The following ZNF124 variants were observed in gnomAD, a reference collection of about 807,000 sequenced individuals.
The protein encoded by ZNF124 is zinc finger protein HZF-16.
ZNF124 carries 25 observed loss-of-function variants against 26.6 expected under a neutral mutation model. The observed-to-expected ratio is 0.94, with a 90% CI of 0.68 to 1.31. The LOEUF (loss-of-function observed/expected upper bound fraction) is 1.31, where lower values mean the gene tolerates loss of function less well. Ranked by LOEUF, ZNF124 falls within the 40% of genes most tolerant of loss-of-function variation. ZNF124 has a pLI of 0.00. For missense variants in ZNF124, 444 were observed against 422.2 expected (o/e 1.05, Z -0.45); for synonymous variants, 129 against 133.3 (o/e 0.97, Z 0.22).
At chr1:247,130,333 G>A (rs148289634) in intron 3 of ZNF124, among the ~76,000 whole-genome samples, 14 of 152,268 alleles carry the variant, frequency 9.2e-5, no homozygotes, top group African/African-American at 2.9e-4. Context: ...GTTTCAACCC[G>A]AATTCCAGGG....
chr1:247,136,556 A>G (rs1026132786), intron 3 of ZNF124, among the ~76,000 whole-genome samples: 2 of 152,232 alleles, frequency 1.3e-5, no homozygotes, highest in African/African-American at 4.8e-5. Context: ...TATCACAAAA[A>G]TGGCCACACT....
intron 1 of ZNF124, among the ~76,000 whole-genome samples, chr1:247,160,208 T>C (rs1003075188): frequency 1.3e-5 from 2 of 152,120 alleles, no homozygotes; most frequent in African/African-American, 2.4e-5. Context: ...ATGGCCTCGA[T>C]CTCTTGACCT....
chr1:247,156,636 C>G lies in ZNF124; in HGVS notation c.986G>C (p.Arg329Pro). Residue 329 changes from arginine to proline, a missense_variant, in exon 4 of 4, where the codon CGT (arginine) becomes CCT (proline). Arg to Pro is a moderately radical substitution (Grantham distance 103). Transcript: ENST00000543802. ...ECQKCGKAFS[R>P]ASTLWKHKKT... ...TTTATGCTTCCAAAGGGTACTAGCACGACTAAAGGCTTTGCCACATTTCTG... is the reference window on the plus strand; with the variant it reads ...TTTATGCTTCCAAAGGGTACTAGCAGGACTAAAGGCTTTGCCACATTTCTG... 1 of 1,603,964 alleles carries G rather than the reference C, an allele frequency of 6.2e-7. No homozygotes were observed. Among genetic ancestry groups the G allele is most frequent in the Non-Finnish European group, 8.5e-7 (1 of 1,176,870 alleles).
intron 1 of ZNF124, among the ~76,000 whole-genome samples, chr1:247,161,015 C>T (rs35116970): frequency 0.015 from 2,229 of 152,258 alleles, 28 homozygotes; most frequent in Non-Finnish European, 0.018. Flanking sequence ...TAGATGTCAC[C>T]TCTTACAAAT....
chr1:247,158,922 C>T (rs929842054), intron 3 of ZNF124, 84 bp downstream of exon 3: 4 of 1,296,762 alleles, frequency 3.1e-6, no homozygotes, highest in Non-Finnish European at 4.3e-6. Context: ...AGCCACCATG[C>T]CTGGCCTTGT....
rs946318515 is a variant in ZNF124, at chr1:247,130,056, T to C, written c.219-6185A>G. Among the ~76,000 whole-genome samples, 3 of 152,098 alleles carry C rather than the reference T, an allele frequency of 2.0e-5. No homozygotes were observed. In the East Asian group the frequency reaches 5.8e-4, roughly 29 times the overall value. On this transcript the variant is annotated intron_variant, in intron 3 of 3. Transcript: ENST00000472531. Reference sequence around the variant, plus strand: ...TCTGACTTGACCCTTGAGTCAGCCATGTCCGTGCTCGTCAGTACTGCTACT... The same window carrying C: ...TCTGACTTGACCCTTGAGTCAGCCACGTCCGTGCTCGTCAGTACTGCTACT...
chr1:247,126,049 G>A (rs1006663804), intron 3 of ZNF124, among the ~76,000 whole-genome samples: 1 of 152,146 alleles, frequency 6.6e-6, no homozygotes, highest in Admixed American at 6.5e-5. Context: ...GGATCATGAG[G>A]TCAGAAGTTC....
chr1:247,133,737 T>C (rs1435019397), intron 3 of ZNF124, among the ~76,000 whole-genome samples: 1 of 142,852 alleles, frequency 7.0e-6, no homozygotes, highest in Non-Finnish European at 1.5e-5. Context: ...CACTGCAACC[T>C]CCACCTCCCA....
intron 1 of ZNF124, among the ~76,000 whole-genome samples, chr1:247,169,705 A>C (rs1193187251): frequency 6.7e-6 from 1 of 148,906 alleles, no homozygotes; most frequent in Non-Finnish European, 1.5e-5. Flanking sequence ...TCCCTTCACA[A>C]GCATGAGACA....
At chr1:247,132,372 G>A (rs1672387826) in intron 3 of ZNF124, among the ~76,000 whole-genome samples, 1 of 152,162 alleles carries the variant, frequency 6.6e-6, no homozygotes, top group African/African-American at 2.4e-5. Context: ...AAAGGCCAGA[G>A]TACCTCTTCT....
Position 247,156,457 on chromosome 1 carries a change from T to C in ZNF124, c.*109A>G. ...TCTCCAGTTTGATTCGTTTCATGTA[T>C]TTGAGGAAATCTGGGAAAATTAAGT... is the stretch of plus-strand genomic sequence containing the variant. On this transcript the variant is annotated 3_prime_UTR_variant, in exon 4 of 4. Transcript: ENST00000543802. The C allele has an allele frequency of 7.4e-7, 1 of 1,344,574 alleles. No individual in the cohort carries two copies. The highest frequency in any genetic ancestry group is 2.2e-5 in the South Asian group (1 of 44,594). The allele number at this position is 1,344,574 out of a possible 1,614,324, so 83.3% of individuals were successfully genotyped here.
chr1:247,135,877 G>C (rs973723755), intron 3 of ZNF124, among the ~76,000 whole-genome samples: 2 of 152,052 alleles, frequency 1.3e-5, no homozygotes, highest in African/African-American at 4.8e-5. Flanking sequence ...GGTTTAACAT[G>C]CAAATCAATA....
intron 3 of ZNF124, among the ~76,000 whole-genome samples, chr1:247,132,934 T>G (rs1672404248): frequency 6.6e-6 from 1 of 152,216 alleles, no homozygotes; most frequent in Non-Finnish European, 1.5e-5. Context: ...GCAAGTCTGC[T>G]GAAGTTCCCA....
intron 3 of ZNF124, among the ~76,000 whole-genome samples, chr1:247,130,823 A>T (rs1300335168): frequency 3.9e-5 from 6 of 152,178 alleles, no homozygotes. Flanking sequence ...CACGCCTGTA[A>T]TCCCAGCACT....
In ZNF124 at chr1:247,142,222, C is replaced by T. The variant is rs1327222335; in HGVS notation, c.218+16784G>A. ...ACAGGTCTGGGAGTGAAAACAAAGACTTGCTGCTTCTCAGATTCTTCTGGA... is the reference window on the plus strand; with the variant it reads ...ACAGGTCTGGGAGTGAAAACAAAGATTTGCTGCTTCTCAGATTCTTCTGGA... On this transcript the variant is annotated intron_variant, in intron 3 of 3. Transcript: ENST00000472531. Among the ~76,000 whole-genome samples, 3 of 152,220 alleles carry T rather than the reference C, an allele frequency of 2.0e-5. No homozygotes were observed. The East Asian group carries it at 5.8e-4, about 29-fold the overall frequency.
chr1:247,135,855 G>T (rs568894056), intron 3 of ZNF124, among the ~76,000 whole-genome samples: 1 of 152,208 alleles, frequency 6.6e-6, no homozygotes, highest in East Asian at 1.9e-4. Context: ...TTCATTACTG[G>T]GATGCATGGC....
chr1:247,172,166 C>T (rs1331110150), upstream of ZNF124: 1 of 130,194 alleles, frequency 7.7e-6, no homozygotes. Flanking sequence ...CTGAATGAGG[C>T]AGCGTTCTGG....
intron 3 of ZNF124, among the ~76,000 whole-genome samples, chr1:247,135,778 C>T (rs1672468574): frequency 6.6e-6 from 1 of 152,180 alleles, no homozygotes; most frequent in Admixed American, 6.5e-5. Context: ...CAAAAATCCT[C>T]AAGAAAATAC....
At chr1:247,152,768 A>G (rs1009043840), downstream of ZNF124, among the ~76,000 whole-genome samples, 2 of 152,214 alleles carry the variant, frequency 1.3e-5, no homozygotes, top group Non-Finnish European at 2.9e-5. Context: ...TAATGTTACT[A>G]TTTTGTAATT....
Sources: allele counts gnomAD v4.1 joint callset (sites outside exome capture counted in the v4.1 genomes callset), GRCh38; gene constraint gnomAD v4.1.1; transcripts MANE v1.5; gene names NCBI Gene and HGNC (gene_info 2026-07-23, HGNC 2026-07-21).